Variants in FTO observed in about 807,000 individuals in gnomAD.
The protein encoded by FTO is alpha-ketoglutarate-dependent dioxygenase FTO.
A neutral mutation model predicts 63.9 loss-of-function variants in FTO; 47 were observed. The observed-to-expected ratio is 0.74, with a 90% confidence interval of 0.58 to 0.94. FTO has a LOEUF of 0.94. FTO is among the 40% of genes least tolerant of loss of function. FTO has a pLI of 0.00. For missense variants in FTO, 562 were observed against 618.1 expected (o/e 0.91, Z 0.96); for synonymous variants, 207 against 224.4 (o/e 0.92, Z 0.69).
At chr16:53,784,073 T>C (rs998760209) in intron 1 of FTO, among the ~76,000 whole-genome samples, 1 of 152,218 alleles carries the variant, frequency 6.6e-6, no homozygotes, top group African/African-American at 2.4e-5. Context: ...CAGCCAAATC[T>C]AGCTAGATGC....
In FTO at chr16:53,926,647, T is replaced by C. The variant is rs185863550; in HGVS notation, c.1240-7338T>C. Among the ~76,000 whole-genome samples the C allele has an allele frequency of 3.9e-5, 6 of 152,288 alleles. No homozygotes were observed. The East Asian group carries it at 1.2e-3, about 29-fold the overall frequency. ...TGTGGAAGACTTCACAGAGGAGGTG[T>C]TTTTGAGATGTTTCTTGAAGAGTGA... On this transcript the variant is annotated intron_variant, in intron 7 of 8. Coordinates refer to ENST00000471389, the MANE Select transcript of FTO (RefSeq NM_001080432.3).
At chr16:53,881,431 G>A (rs1285248649) in intron 6 of FTO, among the ~76,000 whole-genome samples, 2 of 152,126 alleles carry the variant, frequency 1.3e-5, no homozygotes, top group African/African-American at 2.4e-5. Flanking sequence ...CTCTGTCAAG[G>A]TTGTTGCTAT....
chr16:54,055,898 A>T (rs1236740136), intron 8 of FTO, among the ~76,000 whole-genome samples: 2 of 152,200 alleles, frequency 1.3e-5, no homozygotes, highest in Non-Finnish European at 2.9e-5. Flanking sequence ...TTTCTGGCTG[A>T]AGAATGAAGG....
At chr16:53,949,678 T>C (rs2082724967) in intron 8 of FTO, among the ~76,000 whole-genome samples, 1 of 147,264 alleles carries the variant, frequency 6.8e-6, no homozygotes, top group East Asian at 2.0e-4. Flanking sequence ...TCTCTGCATT[T>C]ATGGATTTGC....
At chr16:53,947,895 G>A (rs1446629021) in intron 8 of FTO, among the ~76,000 whole-genome samples, 1 of 152,180 alleles carries the variant, frequency 6.6e-6, no homozygotes, top group Non-Finnish European at 1.5e-5. Context: ...GGAGAATTGG[G>A]AAGCTGTATT....
At chr16:54,051,555 A>G (rs1333980187) in intron 8 of FTO, among the ~76,000 whole-genome samples, 2 of 152,172 alleles carry the variant, frequency 1.3e-5, no homozygotes, top group Non-Finnish European at 2.9e-5. Flanking sequence ...GCATCCCAAT[A>G]CAGTTGGTGA....
At chr16:54,074,942 G>GTGTGTGTGTGTGTA (rs1555506078) in intron 8 of FTO, among the ~76,000 whole-genome samples, 2 of 148,592 alleles carry the variant, frequency 1.3e-5, no homozygotes, top group African/African-American at 5.1e-5. Flanking sequence ...GTGTGTGTGT[G>GTGTGTGTGTGTGTA]TGTGTGTGTG....
chr16:53,912,469 C>G (rs1324091349), intron 7 of FTO, among the ~76,000 whole-genome samples: 1 of 152,178 alleles, frequency 6.6e-6, no homozygotes, highest in African/African-American at 2.4e-5. Context: ...TTTATGTTTT[C>G]CATTCCTAGA....
At chr16:53,731,873 G>A (rs1272854272) in intron 1 of FTO, among the ~76,000 whole-genome samples, 3 of 149,928 alleles carry the variant, frequency 2.0e-5, no homozygotes, top group African/African-American at 7.4e-5. Flanking sequence ...TCAGCCTCCC[G>A]AGTAGCTGGG....
intron 1 of FTO, among the ~76,000 whole-genome samples, chr16:53,727,190 GT>G (rs1371104204): frequency 6.6e-6 from 1 of 152,186 alleles, no homozygotes; most frequent in African/African-American, 2.4e-5. Context: ...AGTGGTCTAA[GT>G]TTCAAATAGC....
At chr16:53,827,404 G>T (rs2079035276) in intron 3 of FTO, among the ~76,000 whole-genome samples, 1 of 152,166 alleles carries the variant, frequency 6.6e-6, no homozygotes, top group South Asian at 2.1e-4. Context: ...CTGATTTACT[G>T]AAAGATGTTT....
chr16:53,741,603 T>G (rs953736854), intron 1 of FTO, among the ~76,000 whole-genome samples: 1 of 152,132 alleles, frequency 6.6e-6, no homozygotes, highest in South Asian at 2.1e-4. Flanking sequence ...AATCATGACC[T>G]AGGTAGTGGT....
At chr16:54,082,624 T>C (rs879093848) in intron 8 of FTO, among the ~76,000 whole-genome samples, 2 of 152,206 alleles carry the variant, frequency 1.3e-5, no homozygotes, top group African/African-American at 4.8e-5. Context: ...GATGGTAGAA[T>C]TGCAGTAAGG....
At chr16:54,012,191 G>A (rs1315158064) in intron 8 of FTO, among the ~76,000 whole-genome samples, 1 of 152,166 alleles carries the variant, frequency 6.6e-6, no homozygotes, top group African/African-American at 2.4e-5. Flanking sequence ...TGATAAGAAA[G>A]GGAAAAACAG....
intron 8 of FTO, among the ~76,000 whole-genome samples, chr16:54,110,758 G>A (rs2086865233): frequency 6.6e-6 from 1 of 152,200 alleles, no homozygotes. Context: ...GAGAAGGCGG[G>A]GGTGGAGGGA....
chr16:54,079,640 A>C (rs769675850), intron 8 of FTO, among the ~76,000 whole-genome samples: 10 of 152,186 alleles, frequency 6.6e-5, no homozygotes, highest in Admixed American at 5.9e-4. Context: ...GGCAGGCTCT[A>C]TTATAGCCCA....
chr16:54,028,061 TTAGA>T (rs2084753667), intron 8 of FTO, among the ~76,000 whole-genome samples: 1 of 152,196 alleles, frequency 6.6e-6, no homozygotes, highest in Non-Finnish European at 1.5e-5. Flanking sequence ...GTACACATTG[TTAGA>T]TAAAGTATCT....
intron 7 of FTO, among the ~76,000 whole-genome samples, chr16:53,895,249 AT>A (rs1204971701): frequency 1.3e-5 from 2 of 151,836 alleles, no homozygotes; most frequent in South Asian, 2.1e-4. Context: ...AGAGTTTTCC[AT>A]TTTTTTCCCT....
At chr16:53,930,641 C>T (rs9930630) in intron 7 of FTO, among the ~76,000 whole-genome samples, 3,837 of 151,908 alleles carry the variant, frequency 0.025, 170 homozygotes, top group African/African-American at 0.086. Flanking sequence ...GAAATTACTA[C>T]GAAAAATGAG....
Sources: allele counts gnomAD v4.1 joint callset (sites outside exome capture counted in the v4.1 genomes callset), GRCh38; gene constraint gnomAD v4.1.1; transcripts MANE v1.5; gene names NCBI Gene and HGNC (gene_info 2026-07-23, HGNC 2026-07-21).